Variants in ZNF541 observed in about 807,000 individuals in gnomAD.
The protein encoded by ZNF541 is zinc finger protein 541.
In ZNF541, 23 loss-of-function variants were observed where a neutral mutation model predicts 123.5. The ratio of observed to expected loss-of-function variants is 0.19; its 90% CI spans 0.13 to 0.26. The LOEUF (loss-of-function observed/expected upper bound fraction) is 0.26. Among genes scored for constraint, ZNF541 ranks in the 10% least tolerant of loss-of-function variants. The pLI is 1.00. For synonymous variants in ZNF541, 751 were observed against 754.5 expected, an observed-to-expected ratio of 1.00 and a Z score of 0.08; for missense variants, 1,612 against 1,789.9, an observed-to-expected ratio of 0.90 and a Z score of 1.79.
At chr19:47,535,289 C>CTTT (rs1396170971) in intron 9 of ZNF541, among the ~76,000 whole-genome samples, 1 of 152,190 alleles carries the variant, frequency 6.6e-6, no homozygotes, top group African/African-American at 2.4e-5. Context: ...ACAAGAGTGA[C>CTTT]TCTGCATGAC....
At chr19:47,562,459 G>A (rs745349931) in intron 2 of ZNF541, among the ~76,000 whole-genome samples, 8 of 151,800 alleles carry the variant, frequency 5.3e-5, no homozygotes, top group Non-Finnish European at 1.0e-4. Context: ...CAGGAGAATC[G>A]CTTGAACCCG....
At chr19:47,528,824 C>T in intron 14 of ZNF541, 126 bp downstream of exon 14, 1 of 678,880 alleles carries the variant, frequency 1.5e-6, no homozygotes. Context: ...TGTAAACTGT[C>T]TACAGTAAGA....
At chr19:47,549,510 TTA>T (rs1405353839) in intron 3 of ZNF541, 25 bp from the exon 4 acceptor site, 1 of 1,550,570 alleles carries the variant, frequency 6.4e-7, no homozygotes, top group Admixed American at 2.0e-5. Context: ...AAAGCACAGG[TTA>T]TACACAGCCA....
At chr19:47,531,439 T>C (rs1969567098) in intron 12 of ZNF541, among the ~76,000 whole-genome samples, 2 of 151,896 alleles carry the variant, frequency 1.3e-5, no homozygotes, top group South Asian at 2.1e-4. Flanking sequence ...CCCAGACAAG[T>C]AGCTATGAAT....
In ZNF541 at chr19:47,545,493, C is replaced by T. The variant is rs1239846873; in HGVS notation, c.1036G>A (p.Ala346Thr). The T allele has an allele frequency of 2.0e-6, 3 of 1,494,562 alleles. No homozygotes were observed. Among genetic ancestry groups the T allele is most frequent in the African/African-American group, 2.8e-5 (2 of 71,254 alleles). 92.6% of individuals were successfully genotyped at this position (1,494,562 alleles called of 1,614,324 possible). ...TTAGGGGCTGTGAACACGTCAGTGG[C>T]CGGCTCTTTCTGTGGGAGGCAAGGC... ...EEPCLPQKEPATDVFTAPNSR... is the reference protein window; with the variant it reads ...EEPCLPQKEPTTDVFTAPNSR... The change falls in exon 5 of 17, where the codon GCC becomes ACC. Residue 346 changes from alanine (A) to threonine (T), a missense_variant. Physicochemically the swap from Ala to Thr is moderately conservative, Grantham distance 58. This residue lies in a region of ZNF541 where 1,080 missense variants were observed against 1,013.8 expected (regional missense o/e 1.07). Transcript: ENST00000391901. This position sits in a 1 kb window ranked among gnomAD's most constrained non-coding sequence, Gnocchi z 7.5.
chr19:47,553,209 T>C (rs916035990), intron 3 of ZNF541, among the ~76,000 whole-genome samples: 1 of 152,090 alleles, frequency 6.6e-6, no homozygotes, highest in African/African-American at 2.4e-5. Context: ...AAACCAGTGT[T>C]ATAAGGGCTC....
chr19:47,529,675 C>T, intron 12 of ZNF541, 23 bp from the exon 13 acceptor site: 6 of 1,550,088 alleles, frequency 3.9e-6, no homozygotes, highest in Non-Finnish European at 5.2e-6. Context: ...GAGCGACAGG[C>T]TGCCCAGGAC....
At position 47,521,328 on chromosome 19, in the gene ZNF541, G is replaced by A; in HGVS notation, c.3937C>T (p.Leu1313Phe). 4 of 1,551,754 alleles carry A rather than the reference G, an allele frequency of 2.6e-6. No individual in the cohort carries two copies. Among genetic ancestry groups the A allele is most frequent in the Non-Finnish European group, 3.5e-6 (4 of 1,147,006 alleles). Residue 1313 changes from leucine to phenylalanine, a missense_variant, in exon 17 of 17, where the codon CTT (leucine) becomes TTT (phenylalanine). Leu to Phe is a conservative substitution (Grantham distance 22, BLOSUM62 0). Coordinates refer to ENST00000391901, the MANE Select transcript of ZNF541 (RefSeq NM_001277075.3). This position sits in a 1 kb window ranked among gnomAD's most constrained non-coding sequence, Gnocchi z 4.2. ...SRNAHMKRHR[L>F]QDHVEPIIRV... is the part of the protein sequence containing the mutation. ...ATGATGGGCTCCACGTGGTCCTGAA[G>A]GCGGTGCCGCTTCATATGGGCATTT... is the stretch of plus-strand genomic sequence containing the variant.
At chr19:47,550,200 T>TGAGATAG (rs1404546870) in intron 3 of ZNF541, among the ~76,000 whole-genome samples, 2 of 151,218 alleles carry the variant, frequency 1.3e-5, no homozygotes, top group Admixed American at 6.6e-5. Flanking sequence ...TGCAGTAAGC[T>TGAGATAG]GAGATAGCAC....
chr19:47,550,251 A>G (rs1247917990), intron 3 of ZNF541, among the ~76,000 whole-genome samples: 1 of 151,586 alleles, frequency 6.6e-6, no homozygotes, highest in East Asian at 1.9e-4. Context: ...GACTCTGTCA[A>G]AGAAAAAGAA....
At chr19:47,564,153 T>C (rs1205343495) in intron 2 of ZNF541, among the ~76,000 whole-genome samples, 1 of 152,174 alleles carries the variant, frequency 6.6e-6, no homozygotes. Context: ...TATACTGCAC[T>C]GCTCCAATTA....
chr19:47,548,464 A>G (rs1270849029), intron 4 of ZNF541, among the ~76,000 whole-genome samples: 1 of 151,138 alleles, frequency 6.6e-6, no homozygotes, highest in Non-Finnish European at 1.5e-5. Context: ...AAAAAAAAGA[A>G]AAAAAAAGAA....
intron 3 of ZNF541, among the ~76,000 whole-genome samples, chr19:47,551,449 G>A (rs937260820): frequency 3.3e-5 from 5 of 151,694 alleles, no homozygotes; most frequent in Non-Finnish European, 7.4e-5. Context: ...ATAGCTCACC[G>A]CAGCCTTGAA....
At chr19:47,531,995 C>T in intron 11 of ZNF541, 133 bp downstream of exon 11, 1 of 1,262,676 alleles carries the variant, frequency 7.9e-7, no homozygotes, top group Non-Finnish European at 1.1e-6. Flanking sequence ...TGGCCAAGAG[C>T]CAGCTCCCTC....
chr19:47,545,520 C>G lies in ZNF541; in HGVS notation c.1009G>C (p.Glu337Gln). Residue 337 changes from glutamate to glutamine, a missense_variant, in exon 5 of 17, where the codon GAG (glutamate) becomes CAG (glutamine). Transcript: ENST00000391901. This position sits in a 1 kb window ranked among gnomAD's most constrained non-coding sequence, Gnocchi z 7.5. ...PAALDTELPE[E>Q]PCLPQKEPAT... ...GGCTCTTTCTGTGGGAGGCAAGGCT[C>G]CTCGGGAAGCTCGGTGTCCAGCGCT... 6.6e-7 allele frequency: 1 copy of G among 1,512,862 alleles called. No homozygotes were observed. The highest frequency in any genetic ancestry group is 8.9e-7 in the Non-Finnish European group (1 of 1,126,386). The allele number at this position is 1,512,862 out of a possible 1,614,324, so 93.7% of individuals were successfully genotyped here.
intron 2 of ZNF541, among the ~76,000 whole-genome samples, chr19:47,561,919 C>T (rs1406734672): frequency 8.5e-5 from 13 of 152,288 alleles, no homozygotes; most frequent in African/African-American, 3.1e-4. Context: ...AGGAAGAATC[C>T]CATTCCCAGA....
At position 47,530,372 on chromosome 19, in the gene ZNF541, C is replaced by T. The variant is rs8103618; in HGVS notation, c.3406-720G>A. Among the ~76,000 whole-genome samples the T allele has an allele frequency of 5.6e-3, 788 of 139,922 alleles. 9 individuals are homozygous for T. Among genetic ancestry groups the T allele is most frequent in the African/African-American group, 0.019 (718 of 37,654 alleles). 91.8% of individuals were successfully genotyped at this position (139,922 alleles called of 152,430 possible). A position where few individuals can be genotyped will look rare whatever the true frequency, so the allele number is the denominator to read the frequency against. ...TTTTTTTTTGTATTTTTAGTAGAGA[C>T]GGGATTTTACCATGTTAGCCAGGCT... On this transcript the variant is annotated intron_variant, in intron 12 of 16. Coordinates refer to ENST00000391901, the MANE Select transcript of ZNF541 (RefSeq NM_001277075.3).
At chr19:47,557,425 T>C (rs1046996213) in intron 2 of ZNF541, among the ~76,000 whole-genome samples, 1 of 151,706 alleles carries the variant, frequency 6.6e-6, no homozygotes, top group East Asian at 1.9e-4. Context: ...TACAAAAGAA[T>C]GACAATTACC....
chr19:47,528,334 A>G lies in ZNF541; in HGVS notation c.3570+616T>C, dbSNP rs892547315. On this transcript the variant is annotated intron_variant, in intron 14 of 16. Coordinates refer to ENST00000391901, the MANE Select transcript of ZNF541 (RefSeq NM_001277075.3). ...CCGTCTCAAAAAAAAAAAAAAAAAA[A>G]AGAGACAGAGTCCTACTCTGTTGCC... Among the ~76,000 whole-genome samples, 14 of 149,414 alleles carry G rather than the reference A, an allele frequency of 9.4e-5. No individual in the cohort carries two copies. In the East Asian group the frequency reaches 2.5e-3, roughly 26 times the overall value.
Sources: allele counts gnomAD v4.1 joint callset (sites outside exome capture counted in the v4.1 genomes callset), GRCh38; gene constraint gnomAD v4.1.1; regional missense constraint gnomAD v4.1.1; non-coding constraint Gnocchi (gnomAD v3.1); transcripts MANE v1.5; gene names NCBI Gene and HGNC (gene_info 2026-07-23, HGNC 2026-07-21).